The following KBTBD2 variants were observed in gnomAD, a reference collection of about 807,000 sequenced individuals.
KBTBD2 encodes kelch repeat and BTB domain containing 2.
In KBTBD2, 17 loss-of-function variants were observed where a neutral mutation model predicts 57.1. That is an observed-to-expected ratio of 0.30 (90% CI 0.20 to 0.45). The LOEUF (loss-of-function observed/expected upper bound fraction) is 0.45. Among genes scored for constraint, KBTBD2 ranks in the 20% least tolerant of loss-of-function variants. The probability of loss-of-function intolerance (pLI) is 1.00; values close to 1 mark genes in which losing one functional copy is unlikely to be tolerated. For synonymous variants in KBTBD2, 267 were observed against 262.7 expected, an observed-to-expected ratio of 1.02 and a Z score of -0.16; for missense variants, 515 against 750.6, an observed-to-expected ratio of 0.69 and a Z score of 3.67.
Position 32,870,106 on chromosome 7 carries a change from T to C in KBTBD2, c.1111A>G (p.Ile371Val), listed in dbSNP as rs1784137220. The C allele has an allele frequency of 6.8e-6, 11 of 1,614,108 alleles. No homozygotes were observed. In the African/African-American group the frequency reaches 9.3e-5, roughly 14 times the overall value. ...TCACAGCAAACCAAAGATGGCTTTA[T>C]GCGGACAAAAAGCATTGGGGTCTTT... ...FPKTPMLFVR[I>V]KPSLVCCEGY... The change falls in exon 4 of 4, where the codon ATA (isoleucine) becomes GTA (valine). Residue 371 changes from isoleucine to valine, a missense_variant. By Grantham distance (29) the Ile-to-Val change is conservative. Coordinates refer to ENST00000304056, the MANE Select transcript of KBTBD2 (RefSeq NM_015483.3).
Position 32,869,645 on chromosome 7 carries a change from A to G in KBTBD2, c.1572T>C (p.Cys524=). ...NIPAKRYSDP[C]VRAVVISNSL... Reference sequence around the variant, plus strand: ...AATTTGAGATCACAACAGCTCTAACACAGGGGTCAGAGTACCTCTTAGCAG... The same window carrying G: ...AATTTGAGATCACAACAGCTCTAACGCAGGGGTCAGAGTACCTCTTAGCAG... The change falls in exon 4 of 4, where the codon TGT becomes TGC. Residue 524 remains cysteine, a synonymous_variant. Transcript: ENST00000304056. 1 of 1,614,134 alleles carries G rather than the reference A, an allele frequency of 6.2e-7. No individual in the cohort carries two copies.
chr7:32,888,010 T>G (rs1037012924), intron 1 of KBTBD2, among the ~76,000 whole-genome samples: 4 of 152,214 alleles, frequency 2.6e-5, no homozygotes, highest in Non-Finnish European at 5.9e-5. Context: ...CTTTCCCAAC[T>G]CCTGGATTCC....
intron 1 of KBTBD2, among the ~76,000 whole-genome samples, chr7:32,890,071 G>A (rs1206313274): frequency 1.5e-5 from 2 of 135,214 alleles, no homozygotes; most frequent in African/African-American, 6.3e-5. Context: ...AGCAAAAAGG[G>A]GAGTAGAGTT....
chr7:32,887,577 G>A (rs180742764), intron 1 of KBTBD2, among the ~76,000 whole-genome samples: 9 of 152,268 alleles, frequency 5.9e-5, no homozygotes, highest in African/African-American at 1.7e-4. Flanking sequence ...CTCCAGGAGG[G>A]GCAGTGCGGC....
upstream of KBTBD2, chr7:32,891,780 C>T (rs916500524): frequency 4.0e-5 from 6 of 151,764 alleles, no homozygotes; most frequent in Non-Finnish European, 8.8e-5. Flanking sequence ...GCCGCACGCT[C>T]CTCAGGGCCC....
chr7:32,874,355 G>A (rs986757062), intron 3 of KBTBD2, among the ~76,000 whole-genome samples: 5 of 151,932 alleles, frequency 3.3e-5, no homozygotes, highest in African/African-American at 4.8e-5. Context: ...AGCTGAGATC[G>A]CGCCACTAGA....
chr7:32,879,399 C>T, intron 2 of KBTBD2, 36 bp downstream of exon 2: 3 of 1,458,630 alleles, frequency 2.1e-6, no homozygotes, highest in South Asian at 1.3e-5. Flanking sequence ...AATAACATTT[C>T]AAAGAATTTC....
At chr7:32,889,965 G>C (rs540536655) in intron 1 of KBTBD2, among the ~76,000 whole-genome samples, 12 of 152,194 alleles carry the variant, frequency 7.9e-5, no homozygotes, top group African/African-American at 2.7e-4. Flanking sequence ...ATCTATGGAG[G>C]AGCATGGACA....
chr7:32,872,273 G>C (rs1268889587), intron 3 of KBTBD2, among the ~76,000 whole-genome samples: 1 of 152,048 alleles, frequency 6.6e-6, no homozygotes, highest in East Asian at 1.9e-4. Context: ...CTTCCAATAA[G>C]CATTTCTCCC....
In KBTBD2 at chr7:32,869,355, G is replaced by A. The variant is rs1317910599; in HGVS notation, c.1862C>T (p.Pro621Leu). The A allele has an allele frequency of 1.9e-6, 3 of 1,607,968 alleles. No homozygotes were observed. Among genetic ancestry groups the A allele is most frequent in the Middle Eastern group, 1.7e-4 (1 of 6,022 alleles). Residue 621 changes from proline to leucine, a missense_variant, in exon 4 of 4, where the codon CCA (proline) becomes CTA (leucine). Physicochemically the swap from Pro to Leu is moderately conservative, Grantham distance 98. Transcript: ENST00000304056. ...FELDGEMVAL[P>L]PV ...CCCTGAACTTCCCCACTATACAGGT[G>A]GTAGTGCAACCATTTCTCCATCCAG... is the stretch of plus-strand genomic sequence containing the variant.
At chr7:32,883,475 G>A (rs1213933560) in intron 1 of KBTBD2, among the ~76,000 whole-genome samples, 2 of 152,200 alleles carry the variant, frequency 1.3e-5, no homozygotes, top group African/African-American at 4.8e-5. Flanking sequence ...AACATTTTCT[G>A]TAAAAGGCTC....
At chr7:32,875,817 G>A (rs952453615) in intron 2 of KBTBD2, among the ~76,000 whole-genome samples, 1 of 152,074 alleles carries the variant, frequency 6.6e-6, no homozygotes, top group Non-Finnish European at 1.5e-5. Flanking sequence ...ATATGAGTCC[G>A]TTTATATAAA....
rs112131293 is a variant in KBTBD2 at position 32,878,884 on chromosome 7, T to C, written c.170+551A>G. On this transcript the variant is annotated intron_variant, in intron 2 of 3. Coordinates refer to ENST00000304056, the MANE Select transcript of KBTBD2 (RefSeq NM_015483.3). Reference sequence around the variant, plus strand: ...AGCAAAGAGTAACTAAATTAACTTCTGCATTCAGAGGCATAGAGAACACCA... The same window carrying C: ...AGCAAAGAGTAACTAAATTAACTTCCGCATTCAGAGGCATAGAGAACACCA... Among the ~76,000 whole-genome samples the C allele has an allele frequency of 2.5e-3, 374 of 152,340 alleles. 3 individuals are homozygous for C. Among genetic ancestry groups the C allele is most frequent in the African/African-American group, 7.8e-3 (324 of 41,594 alleles).
intron 1 of KBTBD2, among the ~76,000 whole-genome samples, chr7:32,887,862 A>G (rs774528416): frequency 3.3e-5 from 5 of 152,184 alleles, no homozygotes; most frequent in Non-Finnish European, 7.3e-5. Context: ...TATAAAATGT[A>G]GTTAAAAGTA....
At position 32,868,903 on chromosome 7, in the gene KBTBD2, T is replaced by G. The variant is rs567129014; in HGVS notation, c.*442A>C. 1.9e-5 allele frequency: 3 copies of G among 158,882 alleles called. No individual in the cohort carries two copies. Among genetic ancestry groups the G allele is most frequent in the African/African-American group, 7.2e-5 (3 of 41,468 alleles). 9.8% of individuals were successfully genotyped at this position (158,882 alleles called of 1,614,324 possible). A position where few individuals can be genotyped will look rare whatever the true frequency, so the allele number is the denominator to read the frequency against. On this transcript the variant is annotated 3_prime_UTR_variant, in exon 4 of 4. Transcript: ENST00000304056. ...TACCAACACGGACATTAGTGTTAAG[T>G]GCAGTTGAATTAATTACACTGAAAA...
rs767789339 is a variant in KBTBD2 at position 32,873,687 on chromosome 7, T to C, written c.336+1305A>G. ...AGGCAGAGGTTGTTGTGAGCCAAGATTGTGCCAGTGCACTCCAGCCTGGGC... is the reference window on the plus strand; with the variant it reads ...AGGCAGAGGTTGTTGTGAGCCAAGACTGTGCCAGTGCACTCCAGCCTGGGC... On this transcript the variant is annotated intron_variant, in intron 3 of 3. Coordinates refer to ENST00000304056, the MANE Select transcript of KBTBD2 (RefSeq NM_015483.3). 5.9e-5 allele frequency among the ~76,000 whole-genome samples: 9 copies of C among 152,294 alleles called. No individual in the cohort carries two copies. In the South Asian group the frequency reaches 1.2e-3, roughly 21 times the overall value.
chr7:32,885,696 A>C (rs562917466), intron 1 of KBTBD2, among the ~76,000 whole-genome samples: 2 of 152,284 alleles, frequency 1.3e-5, no homozygotes, highest in South Asian at 4.1e-4. Flanking sequence ...ATAAGAATTA[A>C]ATTGGAGTCA....
chr7:32,888,371 A>G (rs1039471380), intron 1 of KBTBD2, among the ~76,000 whole-genome samples: 1 of 152,290 alleles, frequency 6.6e-6, no homozygotes, highest in East Asian at 1.9e-4. Flanking sequence ...CTTTATTTCA[A>G]TGAGATAGTT....
chr7:32,869,515 A>C lies in KBTBD2; in HGVS notation c.1702T>G (p.Ser568Ala). The C allele has an allele frequency of 6.2e-7, 1 of 1,614,146 alleles. No individual in the cohort carries two copies. Among genetic ancestry groups the C allele is most frequent in the Non-Finnish European group, 8.5e-7 (1 of 1,180,018 alleles). Reference protein sequence around the residue: ...LDRWSLRQHISERVLWDLGRD... With the variant: ...LDRWSLRQHIAERVLWDLGRD... ...CCCAAGTCCCACAGTACACGTTCAG[A>C]TATATGCTGCCGCAGAGACCACCGG... The change falls in exon 4 of 4, where the codon TCT becomes GCT. Residue 568 changes from serine (S) to alanine (A), a missense_variant. Physicochemically the swap from Ser to Ala is moderately conservative, Grantham distance 99. Coordinates refer to ENST00000304056, the MANE Select transcript of KBTBD2 (RefSeq NM_015483.3).
Sources: allele counts gnomAD v4.1 joint callset (sites outside exome capture counted in the v4.1 genomes callset), GRCh38; gene constraint gnomAD v4.1.1; transcripts MANE v1.5; gene names NCBI Gene and HGNC (gene_info 2026-07-23, HGNC 2026-07-21).